The following INPP5F variants were observed in gnomAD, a reference collection of about 807,000 sequenced individuals.
INPP5F encodes the protein phosphatidylinositide 4-phosphatase SAC2.
Under a neutral mutation model 137.2 loss-of-function variants are expected in INPP5F, and 97 were observed. That is an observed-to-expected ratio of 0.71 (90% CI 0.60 to 0.84). INPP5F has a LOEUF of 0.84. INPP5F is among the 40% of genes least tolerant of loss of function. INPP5F has a pLI of 0.00. For missense variants in INPP5F, 1,271 were observed against 1,371.9 expected (o/e 0.93, Z 1.16); for synonymous variants, 504 against 476.9 (o/e 1.06, Z -0.74).
intron 15 of INPP5F, chr10:119,815,519 T>G (rs1851235851): frequency 5.2e-6 from 1 of 193,748 alleles, no homozygotes; most frequent in South Asian, 1.1e-4. Context: ...TTAGCTGAGG[T>G]GCTGTCTTTC....
intron 15 of INPP5F, among the ~76,000 whole-genome samples, chr10:119,813,501 T>C (rs1284538229): frequency 6.6e-6 from 1 of 152,046 alleles, no homozygotes; most frequent in African/African-American, 2.4e-5. Flanking sequence ...GGTGCACAGC[T>C]ATGATCCCAG....
chr10:119,805,574 G>C, intron 11 of INPP5F, 113 bp downstream of exon 11: 1 of 734,912 alleles, frequency 1.4e-6, no homozygotes, highest in Non-Finnish European at 2.3e-6. Context: ...TGTTCGTTTT[G>C]CTTCCCAGTT....
intron 1 of INPP5F, among the ~76,000 whole-genome samples, chr10:119,734,372 G>T (rs1190752759): frequency 1.3e-5 from 2 of 152,216 alleles, no homozygotes; most frequent in Non-Finnish European, 2.9e-5. Flanking sequence ...GATGCATTAT[G>T]AATGCATTAT....
chr10:119,806,264 A>G (rs937572748), intron 11 of INPP5F, 96 bp from the exon 12 acceptor site: 1 of 795,798 alleles, frequency 1.3e-6, no homozygotes, highest in African/African-American at 1.7e-5. Flanking sequence ...AATTACAGCC[A>G]GTGCTGCTGT....
At chr10:119,785,947 A>G (rs1009778540) in intron 3 of INPP5F, among the ~76,000 whole-genome samples, 8 of 152,232 alleles carry the variant, frequency 5.3e-5, no homozygotes, top group Non-Finnish European at 1.2e-4. Flanking sequence ...TTCTTTAGAA[A>G]AAAAATACCC....
intron 2 of INPP5F, among the ~76,000 whole-genome samples, chr10:119,779,072 A>G (rs965997059): frequency 6.6e-6 from 1 of 152,010 alleles, no homozygotes; most frequent in South Asian, 2.1e-4. Context: ...AATCTCACTG[A>G]CTTCTGGTTC....
At chr10:119,755,560 A>G (rs918621223) in intron 2 of INPP5F, among the ~76,000 whole-genome samples, 3 of 152,236 alleles carry the variant, frequency 2.0e-5, no homozygotes, top group Admixed American at 6.5e-5. Flanking sequence ...AGTTTAGCCC[A>G]TAACGGAACA....
intron 1 of INPP5F, among the ~76,000 whole-genome samples, chr10:119,734,978 C>T (rs1005359027): frequency 6.6e-6 from 1 of 152,080 alleles, no homozygotes; most frequent in Admixed American, 6.5e-5. Flanking sequence ...ACATAGGGAA[C>T]TAATAATTGT....
At chr10:119,798,759 C>A in intron 9 of INPP5F, 149 bp downstream of exon 9, 11 of 183,600 alleles carry the variant, frequency 6.0e-5, no homozygotes, top group East Asian at 1.0e-4. Flanking sequence ...TCTTAATATT[C>A]TTTAAGAATA....
chr10:119,809,171 A>G (rs3781502), intron 13 of INPP5F, among the ~76,000 whole-genome samples: 7,086 of 151,042 alleles, frequency 0.047, 301 homozygotes, highest in South Asian at 0.26. Flanking sequence ...AGGTTGCAGT[A>G]AGCCGAGATT....
At chr10:119,779,555 G>A (rs1200681748) in intron 2 of INPP5F, among the ~76,000 whole-genome samples, 1 of 151,920 alleles carries the variant, frequency 6.6e-6, no homozygotes, top group African/African-American at 2.4e-5. Context: ...GAGTAGCTGG[G>A]ACTACAGGTG....
chr10:119,798,141 T>C (rs1850451902), intron 8 of INPP5F, among the ~76,000 whole-genome samples: 1 of 152,158 alleles, frequency 6.6e-6, no homozygotes, highest in African/African-American at 2.4e-5. Flanking sequence ...ATTAGATTAC[T>C]GAATGAGCTT....
chr10:119,789,826 G>T (rs1208727620), intron 3 of INPP5F, among the ~76,000 whole-genome samples: 1 of 151,742 alleles, frequency 6.6e-6, no homozygotes, highest in African/African-American at 2.4e-5. Flanking sequence ...AAACGTTGGG[G>T]CACCTAGACA....
In INPP5F at chr10:119,806,517, C is replaced by CGA. The variant is rs138179670; in HGVS notation, c.1440+38_1440+39dup. On this transcript the variant is annotated intron_variant, in intron 12 of 19. Coordinates refer to ENST00000650623, the MANE Select transcript of INPP5F (RefSeq NM_014937.4). The stretch of plus-strand genomic sequence containing the variant: ...TCTGTTGGATTGCAAATATTCATTT[C>CGA]GAAATGCTTTTTTTTTCCATGAGTA... 740 of 1,535,308 alleles carry CGA rather than the reference C, an allele frequency of 4.8e-4. 2 individuals carry two copies. In the African/African-American group the frequency reaches 9.5e-3, roughly 20 times the overall value.
chr10:119,746,934 G>C (rs367600075), intron 1 of INPP5F, among the ~76,000 whole-genome samples: 1 of 151,794 alleles, frequency 6.6e-6, no homozygotes, highest in African/African-American at 2.4e-5. Flanking sequence ...GATTATAGGC[G>C]TGTGCCAACA....
rs200267172 is a variant in INPP5F, at chr10:119,806,315, CTAT to C, written c.1320-40_1320-38del. 6.7e-3 allele frequency: 9,051 copies of C among 1,347,236 alleles called. 525 individuals carry two copies. In the South Asian group the frequency reaches 0.11, roughly 16 times the overall value. 83.5% of individuals were successfully genotyped at this position (1,347,236 alleles called of 1,614,324 possible). On this transcript the variant is annotated intron_variant, in intron 11 of 19. Transcript: ENST00000650623. ...TAAAGAATTGTGTCTTTTGAAAACC[CTAT>C]TATTTTATATTGTAAAATAATTCTG...
chr10:119,751,024 A>C (rs374252698), intron 1 of INPP5F, 52 bp from the exon 2 acceptor site: 1 of 1,129,274 alleles, frequency 8.9e-7, no homozygotes, highest in Non-Finnish European at 1.4e-6. Flanking sequence ...ATACTGTTTT[A>C]ATATATTTTC....
intron 6 of INPP5F, 40 bp downstream of exon 6, chr10:119,792,253 T>C: frequency 7.1e-7 from 1 of 1,413,312 alleles, no homozygotes; most frequent in Non-Finnish European, 1.0e-6. Flanking sequence ...CGTAATGAAA[T>C]TGGTCTGTTT....
chr10:119,819,708 T>C, intron 15 of INPP5F: 1 of 431,272 alleles, frequency 2.3e-6, no homozygotes, highest in Non-Finnish European at 4.1e-6. Flanking sequence ...ATTATGTCAT[T>C]TGCTGTATTT....
Sources: gnomAD v4.1 joint callset for allele counts (sites outside exome capture counted in the v4.1 genomes callset) on GRCh38, gnomAD v4.1.1 for gene constraint, MANE v1.5 for transcripts, NCBI Gene and HGNC (gene_info 2026-07-23, HGNC 2026-07-21) for gene names.